Variants in OR8K3 observed in about 807,000 individuals in gnomAD.
OR8K3 encodes olfactory receptor family 8 subfamily K member 3 (gene/pseudogene), also known as olfactory receptor 8K3.
For missense variants in OR8K3, 448 were observed against 367.4 expected (o/e 1.22, Z -1.79); for synonymous variants, 167 against 138.8 (o/e 1.20, Z -1.43).
chr11:56,317,632 A>T (rs1266330915), intron 2 of OR8K3, among the ~76,000 whole-genome samples: 1 of 152,094 alleles, frequency 6.6e-6, no homozygotes, highest in Non-Finnish European at 1.5e-5. Context: ...TGTGACAGAA[A>T]TTTTTTATAT....
rs567579964 is a variant in OR8K3 at position 56,319,262 on chromosome 11, T to G, written c.*17T>G. The stretch of plus-strand genomic sequence containing the variant: ...TTTGTTTAAATTTTGTACAATATGA[T>G]TCCTATAAATTAGGTTATGGGCATG... On this transcript the variant is annotated 3_prime_UTR_variant, in exon 3 of 3. Coordinates refer to ENST00000641662, the MANE Select transcript of OR8K3 (RefSeq NM_001005202.2). 7.3e-5 allele frequency: 104 copies of G among 1,419,498 alleles called. 4 individuals carry two copies. The South Asian group carries it at 1.2e-3, about 17-fold the overall frequency. 87.9% of individuals were successfully genotyped at this position (1,419,498 alleles called of 1,614,324 possible). A position where few individuals can be genotyped will look rare whatever the true frequency, so the allele number is the denominator to read the frequency against.
In OR8K3 at chr11:56,318,336, T is replaced by A; in HGVS notation, c.30T>A (p.Asn10Lys). 1 of 1,613,640 alleles carries A rather than the reference T, an allele frequency of 6.2e-7. No individual in the cohort carries two copies. Among genetic ancestry groups the A allele is most frequent in the African/African-American group, 1.3e-5 (1 of 75,026 alleles). Residue 10 changes from asparagine to lysine, a missense_variant, in exon 3 of 3, where the codon AAT (asparagine) becomes AAA (lysine). Asn to Lys is a moderately conservative substitution (Grantham distance 94). Transcript: ENST00000641662. Reference protein sequence around the residue: MEQHNLTTVNEFILTGITDI... With the variant: MEQHNLTTVKEFILTGITDI... ...AACAACACAATCTAACAACGGTGAA[T>A]GAATTCATTCTTACGGGAATCACAG...
Position 56,319,992 on chromosome 11 carries a change from C to G in OR8K3, c.*747C>G, listed in dbSNP as rs1854503866. The G allele has an allele frequency of 2.6e-5, 4 of 152,146 alleles. No individual in the cohort carries two copies. The highest frequency in any genetic ancestry group is 2.6e-4 in the Admixed American group (4 of 15,280). 9.4% of individuals were successfully genotyped at this position (152,146 alleles called of 1,614,324 possible). On this transcript the variant is annotated 3_prime_UTR_variant, in exon 3 of 3. Transcript: ENST00000641662. ...TTTAGAAGACATCCATAGAAATTCT[C>G]AGGTTTATTCTTTCTCTCTAGTTGT... is the stretch of plus-strand genomic sequence containing the variant.
In OR8K3 at chr11:56,318,975, A is replaced by T; in HGVS notation, c.669A>T (p.Val223=). The T allele has an allele frequency of 6.2e-7, 1 of 1,614,116 alleles. No individual in the cohort carries two copies. Among genetic ancestry groups the T allele is most frequent in the Non-Finnish European group, 8.5e-7 (1 of 1,180,006 alleles). The change falls in exon 3 of 3, where the codon GTA becomes GTT. Residue 223 remains valine (V), a synonymous_variant. Transcript: ENST00000641662. Reference sequence around the variant, plus strand: ...TTTTATCTTACCTGCTCATCCTTGTAGCCATTCTCAGGATGAATTCTGCTG... The same window carrying T: ...TTTTATCTTACCTGCTCATCCTTGTTGCCATTCTCAGGATGAATTCTGCTG... ...IVLLSYLLIL[V]AILRMNSAGR...
At position 56,318,820 on chromosome 11, in the gene OR8K3, A is replaced by G. The variant is rs747570998; in HGVS notation, c.514A>G (p.Asn172Asp). ...TTTTACTTTATCCTTCTGTGGCTAC[A>G]ACGTCATTAGTCATTTCTACTGTGA... The part of the protein sequence containing the change: ...KIFTLSFCGY[N>D]VISHFYCDSL... Residue 172 changes from asparagine to aspartate, a missense_variant, in exon 3 of 3, where the codon AAC (asparagine) becomes GAC (aspartate). Coordinates refer to ENST00000641662, the MANE Select transcript of OR8K3 (RefSeq NM_001005202.2). 1 of 1,614,072 alleles carries G rather than the reference A, an allele frequency of 6.2e-7. No homozygotes were observed. Among genetic ancestry groups the G allele is most frequent in the Non-Finnish European group, 8.5e-7 (1 of 1,179,978 alleles).
rs966506497 is a variant in OR8K3 at position 56,319,497 on chromosome 11, T to A, written c.*252T>A. On this transcript the variant is annotated 3_prime_UTR_variant, in exon 3 of 3. Transcript: ENST00000641662. Reference sequence around the variant, plus strand: ...AACAGTAGAATGTGCACGATGGATATAGACAAAGAAAAAAGGGAGACAAGG... The same window carrying A: ...AACAGTAGAATGTGCACGATGGATAAAGACAAAGAAAAAAGGGAGACAAGG... The A allele has an allele frequency of 1.0e-5, 4 of 383,480 alleles. No individual in the cohort carries two copies. Among genetic ancestry groups the A allele is most frequent in the Non-Finnish European group, 1.9e-5 (4 of 213,036 alleles). 23.8% of individuals were successfully genotyped at this position (383,480 alleles called of 1,614,324 possible). A position where few individuals can be genotyped will look rare whatever the true frequency, so the allele number is the denominator to read the frequency against.
rs1226782612 is a variant in OR8K3, at chr11:56,319,532, A to G, written c.*287A>G. On this transcript the variant is annotated 3_prime_UTR_variant, in exon 3 of 3. Coordinates refer to ENST00000641662, the MANE Select transcript of OR8K3 (RefSeq NM_001005202.2). ...AAAAAGGGAGACAAGGAAAGCTAGTATGCTGGGTGGCAGTAGGAAACAGTG... is the reference window on the plus strand; with the variant it reads ...AAAAAGGGAGACAAGGAAAGCTAGTGTGCTGGGTGGCAGTAGGAAACAGTG... The G allele has an allele frequency of 6.6e-6, 2 of 302,964 alleles. No individual in the cohort carries two copies. The highest frequency in any genetic ancestry group is 6.1e-5 in the East Asian group (1 of 16,520). The allele number at this position is 302,964 out of a possible 1,614,324, so 18.8% of individuals were successfully genotyped here.
Position 56,319,834 on chromosome 11 carries a change from T to C in OR8K3, c.*589T>C, listed in dbSNP as rs931028650. The C allele has an allele frequency of 6.6e-6, 1 of 152,474 alleles. No individual in the cohort carries two copies. Among genetic ancestry groups the C allele is most frequent in the African/African-American group, 2.4e-5 (1 of 41,458 alleles). 9.4% of individuals were successfully genotyped at this position (152,474 alleles called of 1,614,324 possible). A position where few individuals can be genotyped will look rare whatever the true frequency, so the allele number is the denominator to read the frequency against. ...ATCCTACTATTTCCTTATCAATGTTTTTATTTCCACATAGAAGTCTGTTAA... is the reference window on the plus strand; with the variant it reads ...ATCCTACTATTTCCTTATCAATGTTCTTATTTCCACATAGAAGTCTGTTAA... On this transcript the variant is annotated 3_prime_UTR_variant, in exon 3 of 3. Transcript: ENST00000641662.
intron 1 of OR8K3, 77 bp downstream of exon 1, chr11:56,315,244 A>G (rs571465916): frequency 1.3e-5 from 2 of 152,174 alleles, no homozygotes; most frequent in Admixed American, 6.5e-5. Flanking sequence ...GTGACATTGG[A>G]AAACTGCCAC....
rs753083061 is a variant in OR8K3, at chr11:56,318,268, C to T, written c.-23-16C>T. 5 of 1,434,674 alleles carry T rather than the reference C, an allele frequency of 3.5e-6. No homozygotes were observed. The highest frequency in any genetic ancestry group is 4.6e-5 in the East Asian group (2 of 43,724). The allele number at this position is 1,434,674 out of a possible 1,614,324, so 88.9% of individuals were successfully genotyped here. On this transcript the variant is annotated splice_polypyrimidine_tract_variant and intron_variant, in intron 2 of 2. Coordinates refer to ENST00000641662, the MANE Select transcript of OR8K3 (RefSeq NM_001005202.2). ...TGATAGAGGAAAGCTATTGACAATG[C>T]CGATGTCTCTATCAGAATAGGTTTT...
At chr11:56,315,675 A>G (rs181584665) in intron 1 of OR8K3, among the ~76,000 whole-genome samples, 1 of 151,938 alleles carries the variant, frequency 6.6e-6, no homozygotes, top group Non-Finnish European at 1.5e-5. Context: ...TGTAGATATG[A>G]TTGTTTTCTC....
In OR8K3 at chr11:56,315,161, C is replaced by T. The variant is rs561179237; in HGVS notation, c.-88C>T. ...ATGGAGGAGTCAAGACAGAGGCTTCCTTACAGGTAAAAAAAAAAAAAGTAA... is the reference window on the plus strand; with the variant it reads ...ATGGAGGAGTCAAGACAGAGGCTTCTTTACAGGTAAAAAAAAAAAAAGTAA... On this transcript the variant is annotated 5_prime_UTR_variant, in exon 1 of 3. Transcript: ENST00000641662. 6.9e-6 allele frequency: 1 copy of T among 144,462 alleles called. No homozygotes were observed. Among genetic ancestry groups the T allele is most frequent in the Admixed American group, 6.7e-5 (1 of 14,872 alleles). 8.9% of individuals were successfully genotyped at this position (144,462 alleles called of 1,614,324 possible).
chr11:56,319,000 G>A lies in OR8K3; in HGVS notation c.694G>A (p.Gly232Ser). 1 of 1,614,054 alleles carries A rather than the reference G, an allele frequency of 6.2e-7. No individual in the cohort carries two copies. Among genetic ancestry groups the A allele is most frequent in the African/African-American group, 1.3e-5 (1 of 75,036 alleles). The change falls in exon 3 of 3, where the codon GGC becomes AGC. Residue 232 changes from glycine to serine, a missense_variant. By Grantham distance (56) the Gly-to-Ser change is moderately conservative (BLOSUM62 0). Transcript: ENST00000641662. ...AGCCATTCTCAGGATGAATTCTGCT[G>A]GCAGACAAAAGGCTTTTTCTACCTG... The part of the protein sequence containing the change: ...LVAILRMNSA[G>S]RQKAFSTCGA...
intron 2 of OR8K3, among the ~76,000 whole-genome samples, chr11:56,317,866 CTA>C (rs1215235500): frequency 1.3e-5 from 2 of 149,916 alleles, no homozygotes; most frequent in Non-Finnish European, 2.9e-5. Flanking sequence ...TACCCATTAA[CTA>C]TCTATCTATC....
At chr11:56,315,714 C>T (rs1483057604) in intron 1 of OR8K3, among the ~76,000 whole-genome samples, 2 of 151,510 alleles carry the variant, frequency 1.3e-5, no homozygotes, top group Non-Finnish European at 2.9e-5. Context: ...AAGGGGGTTG[C>T]TACCTTACAT....
chr11:56,319,290 T>G lies in OR8K3; in HGVS notation c.*45T>G. The G allele has an allele frequency of 3.7e-6, 4 of 1,088,104 alleles. No individual in the cohort carries two copies. In the East Asian group the frequency reaches 1.0e-4, roughly 28 times the overall value. 67.4% of individuals were successfully genotyped at this position (1,088,104 alleles called of 1,614,324 possible). Reference sequence around the variant, plus strand: ...CTATAAATTAGGTTATGGGCATGAATTTTTGCTCTGCATACTTCCAGAAGA... The same window carrying G: ...CTATAAATTAGGTTATGGGCATGAAGTTTTGCTCTGCATACTTCCAGAAGA... On this transcript the variant is annotated 3_prime_UTR_variant, in exon 3 of 3. Transcript: ENST00000641662.
At chr11:56,315,424 C>T (rs1854429724) in intron 1 of OR8K3, among the ~76,000 whole-genome samples, 2 of 152,106 alleles carry the variant, frequency 1.3e-5, no homozygotes, top group Non-Finnish European at 2.9e-5. Flanking sequence ...ATCTTTGAAA[C>T]ATTATCATGA....
At chr11:56,316,797 C>G (rs1252257123) in intron 2 of OR8K3, among the ~76,000 whole-genome samples, 1 of 151,862 alleles carries the variant, frequency 6.6e-6, no homozygotes, top group Non-Finnish European at 1.5e-5. Flanking sequence ...ACATTTTCTC[C>G]CAATTTGTTC....
intron 2 of OR8K3, 132 bp from the exon 3 acceptor site, chr11:56,318,151 TA>T: frequency 3.7e-6 from 2 of 546,232 alleles, no homozygotes; most frequent in South Asian, 5.9e-5. Context: ...AACATGTTTT[TA>T]TTTGTGAGAG....
Sources: gnomAD v4.1 joint callset for allele counts (sites outside exome capture counted in the v4.1 genomes callset) on GRCh38, gnomAD v4.1.1 for gene constraint, MANE v1.5 for transcripts, NCBI Gene and HGNC (gene_info 2026-07-23, HGNC 2026-07-21) for gene names.